The following WWTR1 variants were observed in gnomAD, a reference collection of about 807,000 sequenced individuals.
WWTR1 encodes WW domain-containing transcription regulator protein 1.
A neutral mutation model predicts 40.1 loss-of-function variants in WWTR1; 13 were observed. The ratio of observed to expected loss-of-function variants is 0.32; its 90% CI spans 0.21 to 0.52. The LOEUF is 0.52. Among genes scored for constraint, WWTR1 ranks in the 20% least tolerant of loss-of-function variants. The pLI is 0.97. For synonymous variants in WWTR1, 230 were observed against 210.1 expected (o/e 1.09, Z -0.82); for missense variants, 436 against 523.1 (o/e 0.83, Z 1.63).
At chr3:149,593,374 T>C (rs1738827384) in intron 2 of WWTR1, among the ~76,000 whole-genome samples, 1 of 151,148 alleles carries the variant, frequency 6.6e-6, no homozygotes, top group Non-Finnish European at 1.5e-5. Context: ...CATGCCCTCG[T>C]CTTAGTTTTC....
intron 6 of WWTR1, 67 bp downstream of exon 6, chr3:149,525,946 G>T: frequency 1.2e-6 from 1 of 867,458 alleles, no homozygotes. Flanking sequence ...AAATAAAATT[G>T]AGATAACCGA....
chr3:149,700,117 G>A (rs1202027211), intron 1 of WWTR1, among the ~76,000 whole-genome samples: 6 of 152,216 alleles, frequency 3.9e-5, no homozygotes. Context: ...CAAAGTGGGA[G>A]CAGGCACATC....
chr3:149,633,710 C>T (rs1378058295), intron 2 of WWTR1, among the ~76,000 whole-genome samples: 1 of 151,942 alleles, frequency 6.6e-6, no homozygotes, highest in Non-Finnish European at 1.5e-5. Context: ...GGAGGTGAGA[C>T]CTAGAAGGAA....
At chr3:149,616,934 G>C (rs1740002412) in intron 2 of WWTR1, among the ~76,000 whole-genome samples, 1 of 152,142 alleles carries the variant, frequency 6.6e-6, no homozygotes, top group East Asian at 1.9e-4. Context: ...GGGAGGGAGG[G>C]AGTAAATGTT....
chr3:149,638,651 AT>A (rs1434857898), intron 2 of WWTR1, among the ~76,000 whole-genome samples: 3 of 151,732 alleles, frequency 2.0e-5, no homozygotes, highest in Admixed American at 6.6e-5. Flanking sequence ...AAAAAAAAAA[AT>A]CAATGCCGCA....
intron 1 of WWTR1, among the ~76,000 whole-genome samples, chr3:149,697,293 G>A (rs1715025895): frequency 6.6e-6 from 1 of 152,136 alleles, no homozygotes; most frequent in Admixed American, 6.5e-5. Flanking sequence ...GTGGGAGCAA[G>A]AGAGAGGGGA....
chr3:149,716,082 G>T (rs923739437), intron 5 of WWTR1, among the ~76,000 whole-genome samples: 3 of 152,040 alleles, frequency 2.0e-5, no homozygotes, highest in Non-Finnish European at 2.9e-5. Context: ...TATTTGTTTT[G>T]AATTCAGAAA....
At chr3:149,543,650 A>G (rs1576548681) in intron 3 of WWTR1, among the ~76,000 whole-genome samples, 2 of 149,088 alleles carry the variant, frequency 1.3e-5, no homozygotes, top group Non-Finnish European at 3.0e-5. Context: ...AATAAATTTT[A>G]TAATTGGTAT....
chr3:149,683,033 G>A (rs1576639341), intron 1 of WWTR1, among the ~76,000 whole-genome samples: 1 of 152,246 alleles, frequency 6.6e-6, no homozygotes, highest in East Asian at 1.9e-4. Flanking sequence ...GTGCCCATCT[G>A]GGGATAGCTC....
intron 1 of WWTR1, among the ~76,000 whole-genome samples, chr3:149,700,006 AGGTTTAACT>A (rs1715121719): frequency 6.6e-6 from 1 of 152,240 alleles, no homozygotes; most frequent in African/African-American, 2.4e-5. Context: ...TAAAGAACAG[AGGTTTAACT>A]GGCTCACGGT....
intron 1 of WWTR1, among the ~76,000 whole-genome samples, chr3:149,686,796 A>G (rs981867093): frequency 2.0e-5 from 3 of 152,172 alleles, no homozygotes; most frequent in Non-Finnish European, 4.4e-5. Flanking sequence ...AGACAGCATA[A>G]TCTAGCCCCT....
chr3:149,633,258 G>A (rs117657899), intron 2 of WWTR1, among the ~76,000 whole-genome samples: 29 of 152,200 alleles, frequency 1.9e-4, no homozygotes, highest in East Asian at 1.7e-3. Flanking sequence ...GCATGGTGAC[G>A]CACACCTGTA....
intron 5 of WWTR1, among the ~76,000 whole-genome samples, chr3:149,711,538 C>T (rs114653105): frequency 1.3e-3 from 205 of 152,266 alleles, no homozygotes; most frequent in African/African-American, 4.9e-3. Flanking sequence ...GCATATACAA[C>T]CTGATCACTA....
At chr3:149,653,231 G>C (rs564082834) in intron 2 of WWTR1, among the ~76,000 whole-genome samples, 6 of 152,202 alleles carry the variant, frequency 3.9e-5, no homozygotes, top group African/African-American at 1.4e-4. Context: ...CCCATTTTCT[G>C]GTTTATGTAT....
intron 2 of WWTR1, among the ~76,000 whole-genome samples, chr3:149,642,647 C>A (rs552749529): frequency 6.6e-6 from 1 of 151,064 alleles, no homozygotes; most frequent in South Asian, 2.1e-4. Flanking sequence ...TGGTTGCAAG[C>A]GCCTGTAGTA....
rs566012061 is a variant in WWTR1 at position 149,655,824 on chromosome 3, T to C, written c.431+1052A>G. On this transcript the variant is annotated intron_variant, in intron 2 of 6. Transcript: ENST00000360632. ...TATTAGTGCCAAAGAAAGGCTTGAT[T>C]AAACTTTTAAAATTGTACATAGTGT... Among the ~76,000 whole-genome samples the C allele has an allele frequency of 3.9e-5, 6 of 152,360 alleles. No homozygotes were observed. The East Asian group carries it at 9.6e-4, about 24-fold the overall frequency.
chr3:149,530,634 A>G (rs1311734938), intron 4 of WWTR1, among the ~76,000 whole-genome samples: 1 of 151,688 alleles, frequency 6.6e-6, no homozygotes, highest in African/African-American at 2.4e-5. Flanking sequence ...TAAATAAAAT[A>G]TATAAATAAA....
At chr3:149,533,249 C>T (rs1269372890) in intron 4 of WWTR1, among the ~76,000 whole-genome samples, 1 of 152,160 alleles carries the variant, frequency 6.6e-6, no homozygotes, top group African/African-American at 2.4e-5. Context: ...CCTCTTCCTC[C>T]AATCAACCTT....
At position 149,637,230 on chromosome 3, in the gene WWTR1, G is replaced by GT. The variant is rs76860341; in HGVS notation, c.431+19645dup. On this transcript the variant is annotated intron_variant, in intron 2 of 6. Transcript: ENST00000360632. ...ATTATTTTAACAGCATATTGAGTAT[G>GT]TTTTTTTTTTTTTGAGACAGAGTCT... Among the ~76,000 whole-genome samples, 344 of 143,392 alleles carry GT rather than the reference G, an allele frequency of 2.4e-3. 6 individuals carry two copies. In the East Asian group the frequency reaches 0.041, roughly 17 times the overall value. 94.1% of individuals were successfully genotyped at this position (143,392 alleles called of 152,430 possible).
Sources: gnomAD v4.1 joint callset for allele counts (sites outside exome capture counted in the v4.1 genomes callset) on GRCh38, gnomAD v4.1.1 for gene constraint, MANE v1.5 for transcripts, NCBI Gene and HGNC (gene_info 2026-07-23, HGNC 2026-07-21) for gene names.